The following TXNDC16 variants were observed in gnomAD, a reference collection of about 807,000 sequenced individuals.
TXNDC16 encodes the protein thioredoxin domain-containing protein 16.
In TXNDC16, 74 loss-of-function variants were observed where a neutral mutation model predicts 85.6. The observed-to-expected ratio is 0.86, with a 90% CI of 0.72 to 1.05. The LOEUF is 1.05. Among genes scored for constraint, TXNDC16 ranks in the 50% least tolerant of loss-of-function variants. The pLI, the probability that TXNDC16 is intolerant of heterozygous loss-of-function variation, is 0.00. For missense variants in TXNDC16, 959 were observed against 947.0 expected, an observed-to-expected ratio of 1.01 and a Z score of -0.17; for synonymous variants, 335 against 326.5, an observed-to-expected ratio of 1.03 and a Z score of -0.28.
At chr14:52,532,640 G>A (rs2037609325) in intron 6 of TXNDC16, among the ~76,000 whole-genome samples, 1 of 152,044 alleles carries the variant, frequency 6.6e-6, no homozygotes, top group Non-Finnish European at 1.5e-5. Context: ...GTTTCACCGT[G>A]TTAGCCAGGA....
At position 52,464,311 on chromosome 14, in the gene TXNDC16, C is replaced by T. The variant is rs546140460; in HGVS notation, c.1618+5726G>A. ...TTTGTTTCTAGTTGCTACCAGATTG[C>T]TTAGGGCTAAGTTTTATGACAAACG... On this transcript the variant is annotated intron_variant, in intron 16 of 20. Transcript: ENST00000281741. 6.5e-4 allele frequency among the ~76,000 whole-genome samples: 99 copies of T among 152,272 alleles called. 1 individual carries two copies. The highest frequency in any genetic ancestry group is 1.9e-3 in the African/African-American group (79 of 41,564).
intron 6 of TXNDC16, among the ~76,000 whole-genome samples, chr14:52,527,448 C>A (rs996902032): frequency 1.3e-4 from 20 of 152,118 alleles, no homozygotes; most frequent in Non-Finnish European, 1.3e-4. Flanking sequence ...TTTTTTCACA[C>A]ACTATCTTCT....
rs2034884674 is a variant in TXNDC16 at position 52,431,143 on chromosome 14, T to A, written c.*1161A>T. ...AGTCTAACAGCTAAGTGATTTGGAA[T>A]GAAAATTAACTCTTTGGCTAATCTT... On this transcript the variant is annotated 3_prime_UTR_variant, in exon 21 of 21. Coordinates refer to ENST00000281741, the MANE Select transcript of TXNDC16 (RefSeq NM_020784.3). 6.6e-6 allele frequency: 1 copy of A among 152,210 alleles called. No homozygotes were observed. Among genetic ancestry groups the A allele is most frequent in the South Asian group, 2.1e-4 (1 of 4,830 alleles). 9.4% of individuals were successfully genotyped at this position (152,210 alleles called of 1,614,324 possible).
chr14:52,543,500 A>G lies in TXNDC16; in HGVS notation c.58T>C (p.Phe20Leu), dbSNP rs376924488. The change falls in exon 3 of 21, where the codon TTT (phenylalanine) becomes CTT (leucine). Residue 20 changes from phenylalanine to leucine, a missense_variant. Phe to Leu is a conservative substitution (Grantham distance 22, BLOSUM62 0). Transcript: ENST00000281741. Reference protein sequence around the residue: ...VGISFVIMCIFYMPTVNSLPE... With the variant: ...VGISFVIMCILYMPTVNSLPE... Reference sequence around the variant, plus strand: ...AAAGAGTTTACTGTTGGCATGTAAAAAATGCACATTATGACAAAAGAGATC... The same window carrying G: ...AAAGAGTTTACTGTTGGCATGTAAAGAATGCACATTATGACAAAAGAGATC... The G allele has an allele frequency of 1.2e-6, 2 of 1,613,808 alleles. No individual in the cohort carries two copies. Among genetic ancestry groups the G allele is most frequent in the Admixed American group, 1.7e-5 (1 of 60,010 alleles).
chr14:52,503,249 C>G lies in TXNDC16; in HGVS notation c.756+7991G>C, dbSNP rs537387159. 7.9e-5 allele frequency among the ~76,000 whole-genome samples: 12 copies of G among 152,332 alleles called. No individual in the cohort carries two copies. The East Asian group carries it at 1.2e-3, about 15-fold the overall frequency. ...GAGCAGTGGTTCTCCCAGCACGCAG[C>G]TTGAGATCTGAGAACAGACTGCCTC... On this transcript the variant is annotated intron_variant, in intron 9 of 20. Transcript: ENST00000281741.
At chr14:52,459,596 C>T (rs1245953599) in intron 16 of TXNDC16, among the ~76,000 whole-genome samples, 2 of 152,180 alleles carry the variant, frequency 1.3e-5, no homozygotes, top group Non-Finnish European at 2.9e-5. Flanking sequence ...ATCCTGATAC[C>T]ATAACCTGGC....
chr14:52,532,658 A>C (rs572289780), intron 6 of TXNDC16, among the ~76,000 whole-genome samples: 2 of 152,068 alleles, frequency 1.3e-5, no homozygotes, highest in Non-Finnish European at 2.9e-5. Flanking sequence ...GGATGGTCTC[A>C]ATCTCCTGAC....
intron 20 of TXNDC16, among the ~76,000 whole-genome samples, chr14:52,435,527 T>G (rs1361098227): frequency 6.6e-6 from 1 of 152,136 alleles, no homozygotes; most frequent in Non-Finnish European, 1.5e-5. Flanking sequence ...TCCTTCCAGA[T>G]CCACTTAAAC....
chr14:52,477,152 C>T (rs1248322065), intron 14 of TXNDC16, among the ~76,000 whole-genome samples: 3 of 152,098 alleles, frequency 2.0e-5, no homozygotes, highest in Middle Eastern at 3.2e-3. Flanking sequence ...ACCAAGCCAG[C>T]GCTACAAGAA....
intron 6 of TXNDC16, among the ~76,000 whole-genome samples, chr14:52,526,418 T>C (rs1236288416): frequency 1.3e-5 from 2 of 152,156 alleles, no homozygotes. Flanking sequence ...GCCACATACA[T>C]GTATACTACA....
intron 9 of TXNDC16, among the ~76,000 whole-genome samples, chr14:52,508,549 A>G (rs1193692551): frequency 6.6e-6 from 1 of 152,222 alleles, no homozygotes; most frequent in Non-Finnish European, 1.5e-5. Flanking sequence ...CATTTGACCC[A>G]GCAATCCCAT....
At chr14:52,515,074 T>C in intron 7 of TXNDC16, 104 bp from the exon 8 acceptor site, 1 of 745,256 alleles carries the variant, frequency 1.3e-6, no homozygotes, top group Non-Finnish European at 2.0e-6. Flanking sequence ...TATGTTCTAC[T>C]ATATTTAAAG....
At chr14:52,544,009 T>C (rs2037890015) in intron 2 of TXNDC16, among the ~76,000 whole-genome samples, 1 of 152,142 alleles carries the variant, frequency 6.6e-6, no homozygotes, top group Non-Finnish European at 1.5e-5. Flanking sequence ...TAATACCATT[T>C]AGATGGGAGT....
chr14:52,546,909 T>C (rs1052051188), intron 1 of TXNDC16, among the ~76,000 whole-genome samples: 18 of 152,190 alleles, frequency 1.2e-4, no homozygotes, highest in Admixed American at 3.9e-4. Context: ...ATTAATAAGT[T>C]TGATAAAACT....
intron 9 of TXNDC16, among the ~76,000 whole-genome samples, chr14:52,499,705 G>A (rs2036613736): frequency 6.6e-6 from 1 of 151,970 alleles, no homozygotes; most frequent in African/African-American, 2.4e-5. Flanking sequence ...CTGTAAAATG[G>A]TGCAGGCACT....
intron 1 of TXNDC16, among the ~76,000 whole-genome samples, chr14:52,550,137 C>T (rs1338666224): frequency 6.6e-6 from 1 of 152,152 alleles, no homozygotes; most frequent in Non-Finnish European, 1.5e-5. Flanking sequence ...AAATTAATGG[C>T]TTTTCCTCTC....
In TXNDC16 at chr14:52,493,215, A is replaced by ATATATATAT. The variant is rs761008122; in HGVS notation, c.757-2211_757-2210insATATATATA. ...GTTCTATATATATATATATATATAT[A>ATATATATAT]TACACACACACACACACACATATTT... On this transcript the variant is annotated intron_variant, in intron 9 of 20. Coordinates refer to ENST00000281741, the MANE Select transcript of TXNDC16 (RefSeq NM_020784.3). Among the ~76,000 whole-genome samples, 384 of 121,002 alleles carry ATATATATAT rather than the reference A, an allele frequency of 3.2e-3. 4 individuals are homozygous for ATATATATAT. Among genetic ancestry groups the ATATATATAT allele is most frequent in the African/African-American group, 0.011 (368 of 33,126 alleles). The allele number at this position is 121,002 out of a possible 152,430, so 79.4% of individuals were successfully genotyped here. A position where few individuals can be genotyped will look rare whatever the true frequency, so the allele number is the denominator to read the frequency against.
At chr14:52,465,161 C>T (rs2035743034) in intron 16 of TXNDC16, among the ~76,000 whole-genome samples, 1 of 152,100 alleles carries the variant, frequency 6.6e-6, no homozygotes, top group East Asian at 1.9e-4. Context: ...TATGTGCAAA[C>T]ATAATGCTAG....
intron 20 of TXNDC16, among the ~76,000 whole-genome samples, chr14:52,438,113 G>T (rs1281795816): frequency 6.6e-6 from 1 of 152,186 alleles, no homozygotes; most frequent in Non-Finnish European, 1.5e-5. Flanking sequence ...AGCAAGGAAA[G>T]CGGTTTCTTG....
Sources: gnomAD v4.1 joint callset for allele counts (sites outside exome capture counted in the v4.1 genomes callset) on GRCh38, gnomAD v4.1.1 for gene constraint, MANE v1.5 for transcripts, NCBI Gene and HGNC (gene_info 2026-07-23, HGNC 2026-07-21) for gene names.